TRPC4: variants seen among roughly 807,000 people sequenced by gnomAD.
TRPC4 encodes the protein short transient receptor potential channel 4.
In TRPC4, 49 loss-of-function variants were observed where a neutral mutation model predicts 99.4. The ratio of observed to expected loss-of-function variants is 0.49; its 90% CI spans 0.39 to 0.63. The LOEUF is 0.63. Ranked by LOEUF, TRPC4 falls within the 20% of genes least tolerant of loss-of-function variation. The pLI is 0.00. For missense variants in TRPC4, 898 were observed against 1,152.9 expected, an observed-to-expected ratio of 0.78 and a Z score of 3.20; for synonymous variants, 454 against 425.9, an observed-to-expected ratio of 1.07 and a Z score of -0.81.
At chr13:37,685,349 A>G (rs771759490) in intron 4 of TRPC4, among the ~76,000 whole-genome samples, 4 of 152,152 alleles carry the variant, frequency 2.6e-5, no homozygotes, top group Non-Finnish European at 4.4e-5. Context: ...ATTTGAATCT[A>G]GTATCACTTG....
At chr13:37,795,578 A>G (rs564214855) in intron 1 of TRPC4, among the ~76,000 whole-genome samples, 3 of 152,270 alleles carry the variant, frequency 2.0e-5, no homozygotes, top group South Asian at 4.2e-4. Context: ...TATTTTCCCA[A>G]TGACTATACA....
At chr13:37,698,771 C>T (rs1267249026) in intron 3 of TRPC4, among the ~76,000 whole-genome samples, 1 of 152,134 alleles carries the variant, frequency 6.6e-6, no homozygotes, top group Non-Finnish European at 1.5e-5. Flanking sequence ...GCAAAGGATG[C>T]TAGCTGGCTA....
intron 2 of TRPC4, among the ~76,000 whole-genome samples, chr13:37,747,530 C>G (rs1433530899): frequency 6.6e-6 from 1 of 152,080 alleles, no homozygotes; most frequent in African/African-American, 2.4e-5. Flanking sequence ...AATGATGACT[C>G]ACGTCACATT....
At chr13:37,849,108 T>C (rs762967845) in intron 1 of TRPC4, among the ~76,000 whole-genome samples, 3 of 152,118 alleles carry the variant, frequency 2.0e-5, no homozygotes, top group Non-Finnish European at 4.4e-5. Context: ...ATGAGCTTCC[T>C]GGGAAGGAGG....
At chr13:37,765,975 A>ATT (rs67988882) in intron 2 of TRPC4, among the ~76,000 whole-genome samples, 7 of 150,794 alleles carry the variant, frequency 4.6e-5, no homozygotes, top group Non-Finnish European at 1.0e-4. Flanking sequence ...AAGATGAATC[A>ATT]TTTTTTTTCC....
chr13:37,792,723 TTGTGTGTGTGTGTGTGTG>T (rs57918365), intron 1 of TRPC4, among the ~76,000 whole-genome samples: 2 of 146,542 alleles, frequency 1.4e-5, no homozygotes, highest in Admixed American at 6.9e-5. Context: ...GCTTCTAAAT[TTGTGTGTGTGTGTGTGTG>T]TGTGTGTGTG....
chr13:37,663,796 A>G, intron 5 of TRPC4, 67 bp from the exon 6 acceptor site: 3 of 1,360,272 alleles, frequency 2.2e-6, no homozygotes, highest in Non-Finnish European at 3.0e-6. Flanking sequence ...TCAAGGTCAG[A>G]CCCAGAAGGA....
chr13:37,737,155 T>A (rs1178974794), intron 3 of TRPC4, among the ~76,000 whole-genome samples: 4 of 151,872 alleles, frequency 2.6e-5, no homozygotes, highest in African/African-American at 7.2e-5. Flanking sequence ...GCATAGTATA[T>A]AGTGGAATCT....
At chr13:37,665,052 T>TA (rs200655540) in intron 5 of TRPC4, among the ~76,000 whole-genome samples, 13 of 148,762 alleles carry the variant, frequency 8.7e-5, no homozygotes, top group Non-Finnish European at 9.0e-5. Flanking sequence ...ACTGAAGATA[T>TA]AAAAAAAAAA....
intron 2 of TRPC4, among the ~76,000 whole-genome samples, chr13:37,767,675 A>C (rs1211121378): frequency 6.6e-6 from 1 of 151,328 alleles, no homozygotes. Context: ...TGTTACCTTA[A>C]CTAAAGCCTG....
rs1018947910 is a variant in TRPC4, at chr13:37,855,111, C to A, written c.-28+14484G>T. On this transcript the variant is annotated intron_variant, in intron 1 of 10. Transcript: ENST00000379705. The stretch of plus-strand genomic sequence containing the variant: ...CAAGAAACACACTACTATAAAGATA[C>A]ACATAGACTGAAAATAAAGGGTTGG... 7 of 151,660 alleles carry A rather than the reference C, an allele frequency of 4.6e-5. No individual in the cohort carries two copies. The East Asian group carries it at 1.4e-3, about 29-fold the overall frequency. 9.4% of individuals were successfully genotyped at this position (151,660 alleles called of 1,614,324 possible). A position where few individuals can be genotyped will look rare whatever the true frequency, so the allele number is the denominator to read the frequency against.
chr13:37,686,042 G>T (rs533492734), intron 4 of TRPC4, among the ~76,000 whole-genome samples: 1 of 152,168 alleles, frequency 6.6e-6, no homozygotes, highest in East Asian at 1.9e-4. Flanking sequence ...GTGTTTGAGG[G>T]TCTGTGTGTG....
chr13:37,692,174 G>A lies in TRPC4; in HGVS notation c.1059C>T (p.Ser353=). 6.2e-7 allele frequency: 1 copy of A among 1,614,092 alleles called. No individual in the cohort carries two copies. Among genetic ancestry groups the A allele is most frequent in the Non-Finnish European group, 8.5e-7 (1 of 1,180,020 alleles). ...FSVCYLIAPK[S]PLGLFIRKPF... is the part of the protein sequence containing the mutation. ...GCTTCCTGATGAACAGTCCAAGTGGGCTTTTGGGAGCTATCAGGTAGCACA... is the reference window on the plus strand; with the variant it reads ...GCTTCCTGATGAACAGTCCAAGTGGACTTTTGGGAGCTATCAGGTAGCACA... The change falls in exon 4 of 11, where the codon AGC becomes AGT. Residue 353 remains serine, a synonymous_variant. Coordinates refer to ENST00000379705, the MANE Select transcript of TRPC4 (RefSeq NM_016179.4).
At chr13:37,831,814 A>G (rs1958428493) in intron 1 of TRPC4, among the ~76,000 whole-genome samples, 1 of 152,188 alleles carries the variant, frequency 6.6e-6, no homozygotes, top group Admixed American at 6.5e-5. Flanking sequence ...GATCTGACTT[A>G]TAGCTGGAAC....
chr13:37,674,667 C>G (rs1436722735), intron 4 of TRPC4, among the ~76,000 whole-genome samples: 1 of 152,060 alleles, frequency 6.6e-6, no homozygotes, highest in East Asian at 1.9e-4. Context: ...CTATATATTT[C>G]CCTTGGAAAA....
Position 37,783,208 on chromosome 13 carries a change from C to A in TRPC4, c.126G>T (p.Lys42Asn), listed in dbSNP as rs772508523. 1.2e-6 allele frequency: 2 copies of A among 1,613,686 alleles called. No individual in the cohort carries two copies. The highest frequency in any genetic ancestry group is 1.7e-6 in the Non-Finnish European group (2 of 1,179,782). Residue 42 changes from lysine to asparagine, a missense_variant, in exon 2 of 11, where the codon AAG becomes AAT. By Grantham distance (94) the Lys-to-Asn change is moderately conservative (BLOSUM62 0). Around this residue, in one of 3 missense-constraint regions of TRPC4, gnomAD observed 278 missense variants for 346.6 expected, o/e 0.80. Transcript: ENST00000379705. The part of the protein sequence containing the change: ...SEKAYLNAVE[K>N]GDYASVKKSL... ...ATTTCTTGACACTGGCATAATCTCCCTTTTCCACAGCATTCAAGTAGGCTT... is the reference window on the plus strand; with the variant it reads ...ATTTCTTGACACTGGCATAATCTCCATTTTCCACAGCATTCAAGTAGGCTT...
intron 3 of TRPC4, among the ~76,000 whole-genome samples, chr13:37,708,653 G>GTA (rs892290105): frequency 2.0e-5 from 3 of 149,410 alleles, no homozygotes; most frequent in African/African-American, 4.9e-5. Context: ...CTAAAATTAT[G>GTA]TATATATATA....
At chr13:37,857,899 G>A (rs1056282918) in intron 1 of TRPC4, among the ~76,000 whole-genome samples, 1 of 151,742 alleles carries the variant, frequency 6.6e-6, no homozygotes, top group African/African-American at 2.4e-5. Flanking sequence ...GACAACCAAA[G>A]CAGAAATGGA....
chr13:37,847,852 A>C (rs187197519), intron 1 of TRPC4, among the ~76,000 whole-genome samples: 1 of 152,272 alleles, frequency 6.6e-6, no homozygotes, highest in East Asian at 1.9e-4. Flanking sequence ...GAAATAGAGT[A>C]GAATGATGGT....
Sources: allele counts gnomAD v4.1 joint callset (sites outside exome capture counted in the v4.1 genomes callset), GRCh38; gene constraint gnomAD v4.1.1; regional missense constraint gnomAD v4.1.1; transcripts MANE v1.5; gene names NCBI Gene and HGNC (gene_info 2026-07-23, HGNC 2026-07-21).